The following PRKAA1 variants were observed in gnomAD, a reference collection of about 807,000 sequenced individuals.
The protein encoded by PRKAA1 is protein kinase AMP-activated catalytic subunit alpha 1.
In PRKAA1, 23 loss-of-function variants were observed where a neutral mutation model predicts 56.9. The observed-to-expected ratio is 0.40, with a 90% CI of 0.29 to 0.57. The LOEUF (loss-of-function observed/expected upper bound fraction) is 0.57. PRKAA1 is among the 20% of genes least tolerant of loss of function. The pLI is 0.39. For missense variants in PRKAA1, 413 were observed against 679.7 expected, an observed-to-expected ratio of 0.61 and a Z score of 4.36; for synonymous variants, 226 against 227.0, an observed-to-expected ratio of 1.00 and a Z score of 0.04.
At position 40,798,183 on chromosome 5, in the gene PRKAA1, T is replaced by G; in HGVS notation, c.7A>C (p.Arg3=). The stretch of plus-strand genomic sequence containing the variant: ...GCCATCTTTCTCCAGGAACTGAGTC[T>G]GCGCATGGCGCTGCGGGAGGGGGCG... MR[R]LSSWRKMATA... The change falls in exon 1 of 9, where the codon AGA becomes CGA. Residue 3 remains arginine, a synonymous_variant. Transcript: ENST00000397128. 1 of 1,356,304 alleles carries G rather than the reference T, an allele frequency of 7.4e-7. No individual in the cohort carries two copies. The highest frequency in any genetic ancestry group is 4.7e-5 in the East Asian group (1 of 21,068). 84.0% of individuals were successfully genotyped at this position (1,356,304 alleles called of 1,614,324 possible). A position where few individuals can be genotyped will look rare whatever the true frequency, so the allele number is the denominator to read the frequency against.
intron 1 of PRKAA1, among the ~76,000 whole-genome samples, chr5:40,787,254 T>C (rs907031231): frequency 5.6e-4 from 85 of 151,884 alleles, no homozygotes; most frequent in Admixed American, 1.4e-3. Flanking sequence ...TCACCTGAGG[T>C]TGGGAGTTTG....
intron 4 of PRKAA1, among the ~76,000 whole-genome samples, chr5:40,769,899 A>G (rs912508134): frequency 6.6e-6 from 1 of 151,208 alleles, no homozygotes; most frequent in Non-Finnish European, 1.5e-5. Context: ...AAAAAAAAAA[A>G]AACAGTAATT....
intron 1 of PRKAA1, among the ~76,000 whole-genome samples, chr5:40,796,022 C>G (rs944542738): frequency 1.3e-5 from 2 of 152,276 alleles, no homozygotes; most frequent in South Asian, 4.1e-4. Flanking sequence ...TTAGCAAATA[C>G]GAAAACAGAC....
rs537452757 is a variant in PRKAA1, at chr5:40,795,422, A to T, written c.127+2641T>A. Among the ~76,000 whole-genome samples, 17 of 152,306 alleles carry T rather than the reference A, an allele frequency of 1.1e-4. No individual in the cohort carries two copies. In the South Asian group the frequency reaches 3.5e-3, roughly 32 times the overall value. ...AAAAATAAAACAAATTTTAAAAAAA[A>T]GATGTCTCCCACCCACCCACCTCTG... On this transcript the variant is annotated intron_variant, in intron 1 of 8. Coordinates refer to ENST00000397128, the MANE Select transcript of PRKAA1 (RefSeq NM_006251.6).
chr5:40,783,292 G>C (rs900031324), intron 1 of PRKAA1, among the ~76,000 whole-genome samples: 5 of 151,818 alleles, frequency 3.3e-5, no homozygotes, highest in East Asian at 1.9e-4. Context: ...ACTCTCATAG[G>C]AAAACTATAG....
rs1169509065 is a variant in PRKAA1, at chr5:40,760,072, C to T, written c.*2706G>A. ...GTAAAAATATGGTTGCATAAAGTCA[C>T]AAAAAATATAAACTGCTGAAAAGAT... is the stretch of plus-strand genomic sequence containing the variant. On this transcript the variant is annotated 3_prime_UTR_variant, in exon 9 of 9. Transcript: ENST00000397128. The T allele has an allele frequency of 6.6e-6, 1 of 152,538 alleles. No homozygotes were observed. Among genetic ancestry groups the T allele is most frequent in the Non-Finnish European group, 1.5e-5 (1 of 67,966 alleles). 9.4% of individuals were successfully genotyped at this position (152,538 alleles called of 1,614,324 possible).
chr5:40,789,077 G>A (rs2112091084), intron 1 of PRKAA1, among the ~76,000 whole-genome samples: 1 of 151,900 alleles, frequency 6.6e-6, no homozygotes, highest in Non-Finnish European at 1.5e-5. Flanking sequence ...CAGGCGTGGT[G>A]GTGTATGCCT....
chr5:40,790,995 T>C (rs1045974535), intron 1 of PRKAA1, among the ~76,000 whole-genome samples: 5 of 152,232 alleles, frequency 3.3e-5, no homozygotes, highest in Admixed American at 2.6e-4. Context: ...AGTAAAGCTA[T>C]TGTGATCAAG....
intron 1 of PRKAA1, among the ~76,000 whole-genome samples, chr5:40,780,399 G>C (rs943362564): frequency 2.6e-5 from 4 of 152,146 alleles, no homozygotes; most frequent in African/African-American, 9.7e-5. Flanking sequence ...ATCCGTATTA[G>C]TCAGCATTCT....
At chr5:40,768,333 CTT>C in intron 5 of PRKAA1, 1 of 694,510 alleles carries the variant, frequency 1.4e-6, no homozygotes, top group Non-Finnish European at 1.8e-6. Flanking sequence ...TGAAGAAAGA[CTT>C]TATCCAAACT....
At chr5:40,785,056 C>G (rs1744410766) in intron 1 of PRKAA1, among the ~76,000 whole-genome samples, 1 of 151,848 alleles carries the variant, frequency 6.6e-6, no homozygotes, top group Non-Finnish European at 1.5e-5. Flanking sequence ...AAGAATTATC[C>G]AGAAATGCAT....
Position 40,762,876 on chromosome 5 carries a change from G to A in PRKAA1, c.1582C>T (p.Leu528Phe), listed in dbSNP as rs759783859. The change falls in exon 9 of 9, where the codon CTT becomes TTT. Residue 528 changes from leucine (L) to phenylalanine (F), a missense_variant. Around this residue, in one of 9 missense-constraint regions of PRKAA1, gnomAD observed 139 missense variants for 171.5 expected, o/e 0.81. Transcript: ENST00000397128. Reference sequence around the variant, plus strand: ...GTTAGGTCAACAGGAGAAGAGTCAAGTGAGGTCACAGATGAGGTAAGAGAA... The same window carrying A: ...GTTAGGTCAACAGGAGAAGAGTCAAATGAGGTCACAGATGAGGTAAGAGAA... The part of the protein sequence containing the change: ...EVSLTSSVTS[L>F]DSSPVDLTPR... 2.5e-5 allele frequency: 41 copies of A among 1,614,072 alleles called. No individual in the cohort carries two copies. The highest frequency in any genetic ancestry group is 3.0e-5 in the Non-Finnish European group (35 of 1,180,042).
chr5:40,764,133 A>C (rs1743314367), intron 8 of PRKAA1: 1 of 157,898 alleles, frequency 6.3e-6, no homozygotes, highest in Admixed American at 6.2e-5. Flanking sequence ...CCATAACTTC[A>C]TTCTTAACTG....
At chr5:40,784,478 A>T (rs1234341436) in intron 1 of PRKAA1, among the ~76,000 whole-genome samples, 1 of 152,178 alleles carries the variant, frequency 6.6e-6, no homozygotes, top group African/African-American at 2.4e-5. Context: ...ACTATCAGAC[A>T]TATATACACA....
In PRKAA1 at chr5:40,777,586, A is replaced by C; in HGVS notation, c.128T>G (p.Val43Gly). The change falls in exon 2 of 9, where the codon GTT becomes GGT. Residue 43 changes from valine to glycine, a missense_variant and splice_region_variant. Coordinates refer to ENST00000397128, the MANE Select transcript of PRKAA1 (RefSeq NM_006251.6). The part of the protein sequence containing the change: ...LGVGTFGKVK[V>G]GKHELTGHKV... Reference sequence around the variant, plus strand: ...ATGCCCAGTCAATTCATGTTTGCCAACTGTAAAAGAAGTAATTTAATAAAT... The same window carrying C: ...ATGCCCAGTCAATTCATGTTTGCCACCTGTAAAAGAAGTAATTTAATAAAT... The C allele has an allele frequency of 3.1e-6, 5 of 1,600,352 alleles. No individual in the cohort carries two copies. The highest frequency in any genetic ancestry group is 4.3e-6 in the Non-Finnish European group (5 of 1,171,288).
At chr5:40,770,063 G>A (rs1743657615) in intron 4 of PRKAA1, among the ~76,000 whole-genome samples, 1 of 151,874 alleles carries the variant, frequency 6.6e-6, no homozygotes, top group Non-Finnish European at 1.5e-5. Flanking sequence ...AAAACAACCA[G>A]CTCAGGTTTG....
chr5:40,768,901 A>G, intron 5 of PRKAA1: 10 of 1,563,060 alleles, frequency 6.4e-6, no homozygotes, highest in Admixed American at 1.7e-5. Context: ...GGTAGTTAGT[A>G]AATTGAGAGG....
intron 5 of PRKAA1, 64 bp downstream of exon 5, chr5:40,769,352 A>T: frequency 7.7e-7 from 1 of 1,306,204 alleles, no homozygotes; most frequent in East Asian, 2.3e-5. Context: ...ACTATAGACT[A>T]ACAAAATCTA....
At chr5:40,791,116 T>C (rs1248237822) in intron 1 of PRKAA1, among the ~76,000 whole-genome samples, 1 of 152,168 alleles carries the variant, frequency 6.6e-6, no homozygotes, top group Non-Finnish European at 1.5e-5. Flanking sequence ...CTAAACTGTT[T>C]TCTCAAAACC....
Sources: gnomAD v4.1 joint callset for allele counts (sites outside exome capture counted in the v4.1 genomes callset) on GRCh38, gnomAD v4.1.1 for gene constraint, gnomAD v4.1.1 regional missense constraint, MANE v1.5 for transcripts, NCBI Gene and HGNC (gene_info 2026-07-23, HGNC 2026-07-21) for gene names.